UNC13B: variants seen among roughly 807,000 people sequenced by gnomAD.
UNC13B encodes unc-13 homolog B.
In UNC13B, 144 loss-of-function variants were observed where a neutral mutation model predicts 211.0. The ratio of observed to expected loss-of-function variants is 0.68; its 90% confidence interval spans 0.60 to 0.78. UNC13B has a LOEUF of 0.78. UNC13B is among the 30% of genes least tolerant of loss of function. The pLI, the probability that UNC13B is intolerant of heterozygous loss-of-function variation, is 0.00. For missense variants in UNC13B, 1,777 were observed against 2,002.0 expected (o/e 0.89, Z 2.14); for synonymous variants, 709 against 725.8 (o/e 0.98, Z 0.37).
intron 6 of UNC13B, among the ~76,000 whole-genome samples, chr9:35,246,003 C>T (rs929070825): frequency 6.6e-6 from 1 of 152,206 alleles, no homozygotes; most frequent in Non-Finnish European, 1.5e-5. Flanking sequence ...CACATCCTCT[C>T]CAGCACCTGT....
intron 11 of UNC13B, among the ~76,000 whole-genome samples, chr9:35,330,511 G>A (rs1418946543): frequency 1.3e-5 from 2 of 152,178 alleles, no homozygotes; most frequent in African/African-American, 4.8e-5. Flanking sequence ...ACTTATCTAT[G>A]GATGACTCCA....
In UNC13B at chr9:35,202,343, G is replaced by A. The variant is rs1290752475; in HGVS notation, c.23-25672G>A. On this transcript the variant is annotated intron_variant, in intron 1 of 39. Transcript: ENST00000635942. ...ATTTGAGGTGGAGAATTCTGTAGAC[G>A]TCTATTAGGTCCGCTTGGTGCAGAG... Among the ~76,000 whole-genome samples, 6 of 152,134 alleles carry A rather than the reference G, an allele frequency of 3.9e-5. No individual in the cohort carries two copies. The South Asian group carries it at 6.2e-4, about 16-fold the overall frequency.
In UNC13B at chr9:35,218,732, C is replaced by T. The variant is rs528864767; in HGVS notation, c.23-9283C>T. 3.3e-5 allele frequency among the ~76,000 whole-genome samples: 5 copies of T among 151,118 alleles called. No homozygotes were observed. In the South Asian group the frequency reaches 1.0e-3, roughly 32 times the overall value. On this transcript the variant is annotated intron_variant, in intron 1 of 39. Transcript: ENST00000635942. ...TTTAGAAATGTGCAGAGTTAATGTTCGTGTTTTTCTTTTTCTTTTCTCTTT... is the reference window on the plus strand; with the variant it reads ...TTTAGAAATGTGCAGAGTTAATGTTTGTGTTTTTCTTTTTCTTTTCTCTTT...
At chr9:35,183,593 G>T (rs1480965009) in intron 1 of UNC13B, among the ~76,000 whole-genome samples, 2 of 147,754 alleles carry the variant, frequency 1.4e-5, no homozygotes, top group Non-Finnish European at 3.0e-5. Flanking sequence ...CGGCTGGGCA[G>T]AGGCGCTCCT....
chr9:35,367,431 A>G (rs762472520), intron 12 of UNC13B, among the ~76,000 whole-genome samples: 92 of 152,332 alleles, frequency 6.0e-4, no homozygotes, highest in Non-Finnish European at 1.1e-3. Context: ...TGATACAGGC[A>G]TACAGTGTGT....
chr9:35,246,700 A>C (rs530437206), intron 6 of UNC13B, among the ~76,000 whole-genome samples: 1 of 152,230 alleles, frequency 6.6e-6, no homozygotes, highest in South Asian at 2.1e-4. Flanking sequence ...GTTTTGTTCC[A>C]TTGATCTATA....
chr9:35,368,545 A>G (rs892046542), intron 12 of UNC13B, among the ~76,000 whole-genome samples: 9 of 152,172 alleles, frequency 5.9e-5, no homozygotes, highest in African/African-American at 1.7e-4. Flanking sequence ...TTTATGGTAG[A>G]ACACTGTATA....
chr9:35,275,355 T>C (rs1828112654), intron 7 of UNC13B, among the ~76,000 whole-genome samples: 1 of 152,196 alleles, frequency 6.6e-6, no homozygotes, highest in South Asian at 2.1e-4. Flanking sequence ...TAAAATTAAT[T>C]CATTTATTGA....
At chr9:35,199,983 G>T (rs1179783184) in intron 1 of UNC13B, among the ~76,000 whole-genome samples, 7 of 152,178 alleles carry the variant, frequency 4.6e-5, no homozygotes, top group Admixed American at 6.5e-5. Flanking sequence ...GGTCTAACAT[G>T]TAAGTCTTTC....
chr9:35,242,073 G>A (rs1371192152), intron 5 of UNC13B, among the ~76,000 whole-genome samples: 3 of 152,160 alleles, frequency 2.0e-5, no homozygotes, highest in Admixed American at 2.0e-4. Flanking sequence ...CTGGTTAGAT[G>A]GTCATACTTG....
intron 7 of UNC13B, among the ~76,000 whole-genome samples, chr9:35,285,282 C>G (rs942368844): frequency 6.6e-6 from 1 of 152,152 alleles, no homozygotes; most frequent in Non-Finnish European, 1.5e-5. Flanking sequence ...ATAGGAAATT[C>G]TATAGCTGTG....
intron 11 of UNC13B, among the ~76,000 whole-genome samples, chr9:35,322,602 C>T (rs1420505771): frequency 6.6e-6 from 1 of 152,084 alleles, no homozygotes; most frequent in Non-Finnish European, 1.5e-5. Context: ...AGACAGAGAA[C>T]GAATCGAAAC....
Position 35,210,857 on chromosome 9 carries a change from G to A in UNC13B, c.23-17158G>A, listed in dbSNP as rs116649844. ...TATCTTTGATGGACTCTTGTTAGTG[G>A]TCATTGTTGCAGAAATCTTGCAATG... On this transcript the variant is annotated intron_variant, in intron 1 of 39. Transcript: ENST00000635942. Among the ~76,000 whole-genome samples, 574 of 152,114 alleles carry A rather than the reference G, an allele frequency of 3.8e-3. 4 individuals carry two copies. Among genetic ancestry groups the A allele is most frequent in the African/African-American group, 0.013 (552 of 41,506 alleles).
chr9:35,378,034 G>C (rs2132234390), intron 16 of UNC13B, among the ~76,000 whole-genome samples: 1 of 152,256 alleles, frequency 6.6e-6, no homozygotes, highest in African/African-American at 2.4e-5. Context: ...TTGCTAACTG[G>C]GTGGGGCTGA....
At chr9:35,385,008 GC>G in intron 22 of UNC13B, 1 of 979,714 alleles carries the variant, frequency 1.0e-6, no homozygotes, top group Non-Finnish European at 1.2e-6. Context: ...GCACTCAAGT[GC>G]CCTCCATTTG....
At chr9:35,349,395 C>T (rs1419681364) in intron 11 of UNC13B, among the ~76,000 whole-genome samples, 1 of 150,566 alleles carries the variant, frequency 6.6e-6, no homozygotes, top group African/African-American at 2.4e-5. Flanking sequence ...CAGATTTTGT[C>T]CTTGTGGGAA....
rs1829662004 is a variant in UNC13B, at chr9:35,301,169, G to A, written c.1765G>A (p.Val589Ile). Residue 589 changes from valine (V) to isoleucine (I), a missense_variant, in exon 9 of 40, where the codon GTA becomes ATA. Coordinates refer to ENST00000635942, the MANE Select transcript of UNC13B (RefSeq NM_001371189.2). ...GGGATCTAAACCCAGAGCCATGGCA[G>A]TATTGGGGAAGGATCTTTCCATGCA... The part of the protein sequence containing the change: ...NLGSKPRAMA[V>I]LGKDLSMQSP... 3 of 398,820 alleles carry A rather than the reference G, an allele frequency of 7.5e-6. No homozygotes were observed. The highest frequency in any genetic ancestry group is 1.3e-5 in the Non-Finnish European group (3 of 225,982). 24.7% of individuals were successfully genotyped at this position (398,820 alleles called of 1,614,324 possible).
At chr9:35,192,693 G>A (rs925321773) in intron 1 of UNC13B, among the ~76,000 whole-genome samples, 1 of 152,176 alleles carries the variant, frequency 6.6e-6, no homozygotes, top group African/African-American at 2.4e-5. Context: ...AAAAGAGCTG[G>A]GTTGATTTTG....
chr9:35,240,923 C>T (rs938203021), intron 5 of UNC13B, among the ~76,000 whole-genome samples: 12 of 151,798 alleles, frequency 7.9e-5, no homozygotes, highest in Non-Finnish European at 1.6e-4. Flanking sequence ...GGCAAGGTGT[C>T]GTGCGCCTGT....
Sources: allele counts gnomAD v4.1 joint callset (sites outside exome capture counted in the v4.1 genomes callset), GRCh38; gene constraint gnomAD v4.1.1; transcripts MANE v1.5; gene names NCBI Gene and HGNC (gene_info 2026-07-23, HGNC 2026-07-21).